The following GAB2 variants were observed in gnomAD, a reference collection of about 807,000 sequenced individuals.
The protein encoded by GAB2 is GRB2 associated binding protein 2, also known as GRB2-associated-binding protein 2.
In GAB2, 26 loss-of-function variants were observed where a neutral mutation model predicts 65.5. That is an observed-to-expected ratio of 0.40 (90% confidence interval 0.29 to 0.55). GAB2 has a LOEUF of 0.55. Among genes scored for constraint, GAB2 ranks in the 20% least tolerant of loss-of-function variants. The pLI is 0.53. For synonymous variants in GAB2, 321 were observed against 329.6 expected, an observed-to-expected ratio of 0.97 and a Z score of 0.28; for missense variants, 884 against 875.8, an observed-to-expected ratio of 1.01 and a Z score of -0.12.
chr11:78,292,445 A>G (rs964595190), intron 1 of GAB2, among the ~76,000 whole-genome samples: 1 of 152,230 alleles, frequency 6.6e-6, no homozygotes, highest in Non-Finnish European at 1.5e-5. Flanking sequence ...AGGGCAGAAG[A>G]TAGAAGATTC....
chr11:78,323,850 G>A (rs553463186), intron 1 of GAB2, among the ~76,000 whole-genome samples: 61 of 146,676 alleles, frequency 4.2e-4, no homozygotes, highest in African/African-American at 1.1e-3. Context: ...CAGGCTGGAG[G>A]GCACTGGCAC....
chr11:78,273,122 C>A (rs896482716), intron 2 of GAB2, among the ~76,000 whole-genome samples: 2 of 152,216 alleles, frequency 1.3e-5, no homozygotes, highest in South Asian at 2.1e-4. Flanking sequence ...TCTGCTAGGG[C>A]AGTGCAGAAG....
At chr11:78,388,017 A>G (rs956175336) in intron 1 of GAB2, 3 of 151,858 alleles carry the variant, frequency 2.0e-5, no homozygotes, top group Non-Finnish European at 4.4e-5. Context: ...CAATATGTAT[A>G]TAATATGCAT....
At chr11:78,390,427 A>G (rs1856820286) in intron 1 of GAB2, among the ~76,000 whole-genome samples, 1 of 152,228 alleles carries the variant, frequency 6.6e-6, no homozygotes, top group Admixed American at 6.5e-5. Context: ...ATCTACAAAA[A>G]AGAAAATAAA....
intron 1 of GAB2, among the ~76,000 whole-genome samples, chr11:78,335,681 C>A (rs527430166): frequency 6.6e-6 from 1 of 152,200 alleles, no homozygotes; most frequent in East Asian, 1.9e-4. Context: ...TGTGATTCCT[C>A]AAGTTTTGTT....
intron 1 of GAB2, among the ~76,000 whole-genome samples, chr11:78,304,733 A>G (rs1290945682): frequency 1.3e-5 from 2 of 152,158 alleles, no homozygotes; most frequent in Non-Finnish European, 1.5e-5. Flanking sequence ...TTTTCTTTGT[A>G]TAATGTAATA....
intron 1 of GAB2, among the ~76,000 whole-genome samples, chr11:78,311,904 G>A (rs957520781): frequency 6.6e-6 from 1 of 152,160 alleles, no homozygotes; most frequent in Non-Finnish European, 1.5e-5. Flanking sequence ...GAGATGGGGT[G>A]AGAGAAACAG....
intron 1 of GAB2, chr11:78,318,252 G>A (rs1855651523): frequency 1.3e-5 from 2 of 151,508 alleles, no homozygotes; most frequent in South Asian, 4.2e-4. Flanking sequence ...GCTATCAGGA[G>A]GAGGGACCAG....
chr11:78,272,150 T>C (rs1430611928), intron 2 of GAB2, among the ~76,000 whole-genome samples: 1 of 152,110 alleles, frequency 6.6e-6, no homozygotes, highest in Non-Finnish European at 1.5e-5. Context: ...TTATCAGCAG[T>C]GTGAAAATGG....
At chr11:78,388,539 G>T (rs1269569659) in intron 1 of GAB2, among the ~76,000 whole-genome samples, 7 of 150,514 alleles carry the variant, frequency 4.7e-5, no homozygotes, top group Non-Finnish European at 4.4e-5. Context: ...TGTTGTCTAG[G>T]CTGATCTCGA....
chr11:78,248,245 G>A (rs1486333887), intron 3 of GAB2, among the ~76,000 whole-genome samples: 1 of 152,180 alleles, frequency 6.6e-6, no homozygotes, highest in Non-Finnish European at 1.5e-5. Context: ...TAGGGGTGCA[G>A]AGAGTGGGCC....
chr11:78,356,482 C>T (rs919411925), intron 1 of GAB2, among the ~76,000 whole-genome samples: 3 of 152,194 alleles, frequency 2.0e-5, no homozygotes, highest in African/African-American at 4.8e-5. Flanking sequence ...TTAATTGTTT[C>T]ATATCTCAGA....
intron 1 of GAB2, among the ~76,000 whole-genome samples, chr11:78,349,325 T>C (rs1254683805): frequency 6.6e-6 from 1 of 152,178 alleles, no homozygotes; most frequent in Non-Finnish European, 1.5e-5. Flanking sequence ...TGAGTGGTAT[T>C]GCAAAAAACA....
intron 3 of GAB2, among the ~76,000 whole-genome samples, chr11:78,240,363 A>G (rs115313770): frequency 0.017 from 2,521 of 151,770 alleles, 74 homozygotes; most frequent in African/African-American, 0.058. Context: ...GGTGCATTCC[A>G]AGGCTGAGCT....
At chr11:78,334,981 T>A (rs550930579) in intron 1 of GAB2, among the ~76,000 whole-genome samples, 210 of 152,372 alleles carry the variant, frequency 1.4e-3, no homozygotes, top group Non-Finnish European at 1.8e-3. Context: ...TGATTATGTA[T>A]CTCTGATGAT....
chr11:78,394,537 G>A (rs1481435600), intron 1 of GAB2, among the ~76,000 whole-genome samples: 3 of 152,178 alleles, frequency 2.0e-5, no homozygotes, highest in African/African-American at 7.2e-5. Flanking sequence ...GAAAAGAAAA[G>A]GTTTGGGGTA....
intron 2 of GAB2, among the ~76,000 whole-genome samples, chr11:78,252,517 G>A (rs1023520662): frequency 6.6e-6 from 1 of 152,150 alleles, no homozygotes; most frequent in African/African-American, 2.4e-5. Context: ...AGCCTCTGGT[G>A]AGATTCTGTA....
At chr11:78,258,251 C>T (rs763336335) in intron 2 of GAB2, among the ~76,000 whole-genome samples, 7 of 152,214 alleles carry the variant, frequency 4.6e-5, no homozygotes, top group Non-Finnish European at 8.8e-5. Flanking sequence ...TTGGTTTTAA[C>T]AACCTCTGGT....
intron 2 of GAB2, among the ~76,000 whole-genome samples, chr11:78,263,740 C>G (rs1464200669): frequency 6.6e-6 from 1 of 151,582 alleles, no homozygotes; most frequent in Non-Finnish European, 1.5e-5. Flanking sequence ...ATTCTTTTTC[C>G]ATATCACAGA....
Sources: allele counts gnomAD v4.1 joint callset (sites outside exome capture counted in the v4.1 genomes callset), GRCh38; gene constraint gnomAD v4.1.1; transcripts MANE v1.5; gene names NCBI Gene and HGNC (gene_info 2026-07-23, HGNC 2026-07-21).